INO80D: variants seen among roughly 807,000 people sequenced by gnomAD.
The protein encoded by INO80D is INO80 complex subunit D.
Under a neutral mutation model 87.6 loss-of-function variants are expected in INO80D, and 21 were observed. The ratio of observed to expected loss-of-function variants is 0.24; its 90% CI spans 0.17 to 0.35. The LOEUF (loss-of-function observed/expected upper bound fraction) is 0.35, where lower values mean the gene tolerates loss of function less well. Among genes scored for constraint, INO80D ranks in the 10% least tolerant of loss-of-function variants. The pLI, the probability that INO80D is intolerant of heterozygous loss-of-function variation, is 1.00. For synonymous variants in INO80D, 440 were observed against 491.0 expected, an observed-to-expected ratio of 0.90 and a Z score of 1.37; for missense variants, 982 against 1,280.7, an observed-to-expected ratio of 0.77 and a Z score of 3.56.
chr2:206,026,151 AG>A (rs1487381885), intron 6 of INO80D, among the ~76,000 whole-genome samples: 1 of 152,116 alleles, frequency 6.6e-6, no homozygotes, highest in Non-Finnish European at 1.5e-5. Flanking sequence ...TACCCACCTC[AG>A]CCTACCAAAG....
intron 4 of INO80D, among the ~76,000 whole-genome samples, chr2:206,046,937 C>T (rs1689211651): frequency 6.6e-6 from 1 of 152,160 alleles, no homozygotes. Context: ...CCAGCCACCA[C>T]ACCCAGCTAA....
At chr2:206,037,990 A>T (rs1688935532) in intron 5 of INO80D, among the ~76,000 whole-genome samples, 1 of 152,194 alleles carries the variant, frequency 6.6e-6, no homozygotes, top group Admixed American at 6.5e-5. Context: ...CAGAAAGACA[A>T]GTATCACATG....
In INO80D at chr2:206,002,678, T is replaced by A. The variant is rs1258432974; in HGVS notation, c.*1690A>T. ...AAAGCTTTCAAAAGAAGGGACTGGT[T>A]AGAACTAGCATGGCATAAAGAGATT... On this transcript the variant is annotated 3_prime_UTR_variant, in exon 11 of 11. Transcript: ENST00000403263. 1.3e-5 allele frequency: 2 copies of A among 152,164 alleles called. No homozygotes were observed. Among genetic ancestry groups the A allele is most frequent in the Admixed American group, 1.3e-4 (2 of 15,276 alleles). The allele number at this position is 152,164 out of a possible 1,614,324, so 9.4% of individuals were successfully genotyped here.
At chr2:206,043,940 C>G (rs1175050353) in intron 5 of INO80D, among the ~76,000 whole-genome samples, 2 of 152,102 alleles carry the variant, frequency 1.3e-5, no homozygotes, top group Non-Finnish European at 2.9e-5. Flanking sequence ...GCCTATAATC[C>G]TGACACTTTG....
chr2:206,036,643 T>A (rs1407438322), intron 5 of INO80D, among the ~76,000 whole-genome samples: 3 of 151,980 alleles, frequency 2.0e-5, no homozygotes, highest in Non-Finnish European at 2.9e-5. Context: ...AATACTGATC[T>A]CACAAATCAC....
At chr2:206,054,046 G>A (rs577268538) in intron 4 of INO80D, among the ~76,000 whole-genome samples, 18 of 151,942 alleles carry the variant, frequency 1.2e-4, no homozygotes, top group Non-Finnish European at 1.9e-4. Flanking sequence ...TGCCATATTG[G>A]CCAGGCTGGT....
At chr2:206,005,562 G>C in intron 10 of INO80D, 29 bp from the exon 11 acceptor site, 2 of 1,539,930 alleles carry the variant, frequency 1.3e-6, no homozygotes, top group Non-Finnish European at 1.8e-6. Context: ...TCGACAATCA[G>C]TAGAGCTTTT....
rs1054742323 is a variant in INO80D, at chr2:206,002,166, T to C, written c.*2202A>G. Reference sequence around the variant, plus strand: ...GGAGACTAAACTGAACTGCTGGGAATGGACAGTTATCTAGTTATGCTTATG... The same window carrying C: ...GGAGACTAAACTGAACTGCTGGGAACGGACAGTTATCTAGTTATGCTTATG... On this transcript the variant is annotated 3_prime_UTR_variant, in exon 11 of 11. Coordinates refer to ENST00000403263, the MANE Select transcript of INO80D (RefSeq NM_017759.5). 9 of 152,200 alleles carry C rather than the reference T, an allele frequency of 5.9e-5. No individual in the cohort carries two copies. The highest frequency in any genetic ancestry group is 8.8e-5 in the Non-Finnish European group (6 of 68,036). The allele number at this position is 152,200 out of a possible 1,614,324, so 9.4% of individuals were successfully genotyped here. A position where few individuals can be genotyped will look rare whatever the true frequency, so the allele number is the denominator to read the frequency against.
intron 1 of INO80D, among the ~76,000 whole-genome samples, chr2:206,077,810 T>C (rs561275142): frequency 6.6e-6 from 1 of 152,260 alleles, no homozygotes; most frequent in South Asian, 2.1e-4. Flanking sequence ...CGCCTTCAGC[T>C]AACTGGACCT....
At chr2:206,033,476 C>T (rs370141849) in intron 5 of INO80D, among the ~76,000 whole-genome samples, 1 of 151,950 alleles carries the variant, frequency 6.6e-6, no homozygotes, top group Non-Finnish European at 1.5e-5. Context: ...AATAACCTGC[C>T]CCTGAAAGAG....
chr2:206,050,552 A>C (rs750193933), intron 4 of INO80D, among the ~76,000 whole-genome samples: 1 of 148,292 alleles, frequency 6.7e-6, no homozygotes, highest in Non-Finnish European at 1.5e-5. Context: ...CTAAGATGAC[A>C]TAATATTTCA....
intron 8 of INO80D, among the ~76,000 whole-genome samples, chr2:206,012,742 G>A (rs1308123371): frequency 6.6e-5 from 10 of 151,814 alleles, no homozygotes; most frequent in Non-Finnish European, 5.9e-5. Flanking sequence ...GGTGGCACAC[G>A]CCTGCAGTCC....
intron 4 of INO80D, among the ~76,000 whole-genome samples, chr2:206,050,980 C>A (rs1689350135): frequency 6.9e-6 from 1 of 145,006 alleles, no homozygotes; most frequent in Non-Finnish European, 1.6e-5. Context: ...ACAACAACAA[C>A]AAAAATTTCT....
intron 6 of INO80D, chr2:206,025,521 T>TC (rs1259553437): frequency 7.9e-5 from 5 of 62,916 alleles, no homozygotes; most frequent in African/African-American, 2.6e-4. Context: ...AGAGTGAAAC[T>TC]CCATCTCAAA....
chr2:206,058,874 A>G (rs1438556911), intron 3 of INO80D, among the ~76,000 whole-genome samples: 1 of 152,162 alleles, frequency 6.6e-6, no homozygotes, highest in Non-Finnish European at 1.5e-5. Context: ...AACATGCATT[A>G]TGAAGTTCCA....
At chr2:206,067,293 A>G (rs1380792463) in intron 1 of INO80D, among the ~76,000 whole-genome samples, 1 of 152,100 alleles carries the variant, frequency 6.6e-6, no homozygotes, top group Admixed American at 6.6e-5. Flanking sequence ...AGAGGCTACA[A>G]GACAAAGACT....
chr2:206,024,501 G>C (rs1688550186), intron 6 of INO80D, among the ~76,000 whole-genome samples: 1 of 151,682 alleles, frequency 6.6e-6, no homozygotes, highest in Non-Finnish European at 1.5e-5. Context: ...TGGGTGTAAG[G>C]GAAGAGTAGG....
intron 3 of INO80D, among the ~76,000 whole-genome samples, chr2:206,058,143 G>A (rs1013380259): frequency 5.9e-5 from 9 of 152,164 alleles, no homozygotes; most frequent in African/African-American, 9.7e-5. Context: ...TATAAAGGCC[G>A]GGCACAATGG....
At chr2:206,079,991 TCA>T (rs1690230281) in intron 1 of INO80D, among the ~76,000 whole-genome samples, 1 of 152,194 alleles carries the variant, frequency 6.6e-6, no homozygotes, top group African/African-American at 2.4e-5. Flanking sequence ...TGCAAAGCCC[TCA>T]CTTTAAAACC....
Sources: allele counts gnomAD v4.1 joint callset (sites outside exome capture counted in the v4.1 genomes callset), GRCh38; gene constraint gnomAD v4.1.1; transcripts MANE v1.5; gene names NCBI Gene and HGNC (gene_info 2026-07-23, HGNC 2026-07-21).